The following DMC1 variants were observed in gnomAD, a reference collection of about 807,000 sequenced individuals.
The protein encoded by DMC1 is DNA meiotic recombinase 1, also known as meiotic recombination protein DMC1 homolog.
DMC1 carries 27 observed loss-of-function variants against 50.1 expected under a neutral mutation model. That is an observed-to-expected ratio of 0.54 (90% confidence interval 0.40 to 0.74). The LOEUF is 0.74. DMC1 is among the 30% of genes least tolerant of loss of function. DMC1 has a pLI of 0.00. For synonymous variants in DMC1, 148 were observed against 136.1 expected (o/e 1.09, Z -0.61); for missense variants, 295 against 420.2 (o/e 0.70, Z 2.60).
At chr22:38,550,994 T>G (rs1382355449) in intron 7 of DMC1, among the ~76,000 whole-genome samples, 3 of 125,058 alleles carry the variant, frequency 2.4e-5, no homozygotes, top group Admixed American at 2.3e-4. Context: ...AAGAAAGAAA[T>G]AGTCACAAAT....
chr22:38,557,761 T>G (rs924229628), intron 5 of DMC1, among the ~76,000 whole-genome samples: 1 of 152,118 alleles, frequency 6.6e-6, no homozygotes, highest in African/African-American at 2.4e-5. Flanking sequence ...TTGACCTTTT[T>G]GTAATGGATT....
At chr22:38,550,302 T>TTTTCC (rs2090389423) in intron 7 of DMC1, among the ~76,000 whole-genome samples, 1 of 151,410 alleles carries the variant, frequency 6.6e-6, no homozygotes, top group African/African-American at 2.4e-5. Flanking sequence ...ATTTTCTTTC[T>TTTTCC]TTTTCTTTTC....
intron 7 of DMC1, among the ~76,000 whole-genome samples, chr22:38,550,930 C>CAAAAAAAAAAAAAAAGAAAGAATGAAAG (rs2090398292): frequency 1.7e-5 from 1 of 57,774 alleles, no homozygotes; most frequent in Non-Finnish European, 3.1e-5. Flanking sequence ...GACTCCATCT[C>CAAAAAAAAAAAAAAAGAAAGAATGAAAG]AAAAAAAAAA....
At chr22:38,537,445 C>A in intron 12 of DMC1, 147 bp downstream of exon 12, 1 of 698,366 alleles carries the variant, frequency 1.4e-6, no homozygotes, top group Non-Finnish European at 2.6e-6. Flanking sequence ...ATCTCCTGAC[C>A]TCGTGATCCG....
intron 8 of DMC1, among the ~76,000 whole-genome samples, chr22:38,544,848 G>A (rs1184741275): frequency 6.6e-6 from 1 of 151,020 alleles, no homozygotes; most frequent in East Asian, 2.0e-4. Context: ...TGGCCAGGAT[G>A]GTCTCAATCT....
intron 12 of DMC1, among the ~76,000 whole-genome samples, chr22:38,534,336 G>C (rs952018715): frequency 6.6e-6 from 1 of 152,204 alleles, no homozygotes; most frequent in African/African-American, 2.4e-5. Context: ...GAAGTATTAA[G>C]AGGTGAAGTG....
chr22:38,555,746 A>C (rs1337934407), intron 5 of DMC1, among the ~76,000 whole-genome samples: 1 of 152,068 alleles, frequency 6.6e-6, no homozygotes, highest in Non-Finnish European at 1.5e-5. Context: ...AAAACTTAAA[A>C]AAATAGTAAA....
At chr22:38,509,226 C>T in the DMC1 span, among the ~76,000 whole-genome samples, 1 of 151,956 alleles carries the variant, frequency 6.6e-6, no homozygotes, top group Non-Finnish European at 1.5e-5. Context: ...CACAAGAAAA[C>T]GTGTGTCATG....
intron 12 of DMC1, among the ~76,000 whole-genome samples, chr22:38,529,003 ATTTC>A (rs968824748): frequency 6.0e-5 from 9 of 150,974 alleles, no homozygotes; most frequent in East Asian, 2.0e-4. Flanking sequence ...ATTTTCTTCT[ATTTC>A]TTTCTTTCTT....
intron 12 of DMC1, among the ~76,000 whole-genome samples, chr22:38,529,171 CT>C (rs1459690447): frequency 6.6e-6 from 1 of 152,032 alleles, no homozygotes; most frequent in Non-Finnish European, 1.5e-5. Flanking sequence ...CCACCATGCC[CT>C]GCTAATTTTT....
chr22:38,519,898 C>T lies in DMC1; in HGVS notation c.*122G>A. 1.3e-6 allele frequency: 1 copy of T among 756,344 alleles called. No individual in the cohort carries two copies. The highest frequency in any genetic ancestry group is 2.3e-6 in the Non-Finnish European group (1 of 426,674). 46.9% of individuals were successfully genotyped at this position (756,344 alleles called of 1,614,324 possible). A position where few individuals can be genotyped will look rare whatever the true frequency, so the allele number is the denominator to read the frequency against. ...TAAATATAAGATTTAAATCTCTTTG[C>T]TGACTTTTCTTTAGTAACATGTGGG... On this transcript the variant is annotated 3_prime_UTR_variant, in exon 14 of 14. Transcript: ENST00000216024.
At chr22:38,518,582 G>A (rs1459885590), downstream of DMC1, among the ~76,000 whole-genome samples, 1 of 151,672 alleles carries the variant, frequency 6.6e-6, no homozygotes, top group Admixed American at 6.6e-5. Flanking sequence ...CCAGGCTGGA[G>A]TGCAGTGGCT....
Position 38,521,702 on chromosome 22 carries a change from G to T in DMC1, c.859C>A (p.Pro287Thr). 6.2e-7 allele frequency: 1 copy of T among 1,613,726 alleles called. No individual in the cohort carries two copies. The highest frequency in any genetic ancestry group is 8.5e-7 in the Non-Finnish European group (1 of 1,179,742). Residue 287 changes from proline to threonine, a missense_variant, in exon 13 of 14, where the codon CCC (proline) becomes ACC (threonine). Pro to Thr is a conservative substitution (Grantham distance 38). Coordinates refer to ENST00000216024, the MANE Select transcript of DMC1 (RefSeq NM_007068.4). Reference protein sequence around the residue: ...TMTFQADPKKPIGGHILAHAS... With the variant: ...TMTFQADPKKTIGGHILAHAS... ...TGAGCCAGAATGTGTCCCCCAATGG[G>T]TTTTTTGGGATCTGCCTGAAAGCTG...
At chr22:38,563,611 T>C (rs1265510881) in intron 4 of DMC1, among the ~76,000 whole-genome samples, 2 of 152,102 alleles carry the variant, frequency 1.3e-5, no homozygotes, top group Non-Finnish European at 2.9e-5. Flanking sequence ...CCCAGCACTT[T>C]GAGAGGCTGA....
chr22:38,559,844 C>G (rs149459338), intron 5 of DMC1, among the ~76,000 whole-genome samples: 1 of 151,702 alleles, frequency 6.6e-6, no homozygotes, highest in African/African-American at 2.4e-5. Context: ...ATGCTGAAAC[C>G]CTGTCTCTAC....
intron 3 of DMC1, 81 bp downstream of exon 3, chr22:38,567,502 A>T: frequency 8.3e-7 from 1 of 1,211,516 alleles, no homozygotes; most frequent in Non-Finnish European, 1.2e-6. Flanking sequence ...ACAAAGAATT[A>T]TCCAGGCCCA....
downstream of DMC1, among the ~76,000 whole-genome samples, chr22:38,518,092 C>A (rs916214809): frequency 1.3e-5 from 2 of 152,036 alleles, no homozygotes; most frequent in Non-Finnish European, 2.9e-5. Context: ...CCTGCCTCAG[C>A]CTCCTGAGTA....
At chr22:38,568,380 TAAGAGA>T in intron 1 of DMC1, 91 bp from the exon 2 acceptor site, 1 of 918,090 alleles carries the variant, frequency 1.1e-6, no homozygotes, top group Non-Finnish European at 1.7e-6. Flanking sequence ...AGAAGGACAG[TAAGAGA>T]AGCATTTAGC....
At chr22:38,509,355 C>T in the DMC1 span, among the ~76,000 whole-genome samples, 24 of 152,238 alleles carry the variant, frequency 1.6e-4, no homozygotes, top group East Asian at 3.9e-3. Flanking sequence ...GTTGTTCCCC[C>T]GCTCCATGTG....
Sources: gnomAD v4.1 joint callset for allele counts (sites outside exome capture counted in the v4.1 genomes callset) on GRCh38, gnomAD v4.1.1 for gene constraint, MANE v1.5 for transcripts, NCBI Gene and HGNC (gene_info 2026-07-23, HGNC 2026-07-21) for gene names.